TENT2: variants seen among roughly 807,000 people sequenced by gnomAD.
TENT2 encodes poly(A) RNA polymerase GLD2.
Under a neutral mutation model 72.2 loss-of-function variants are expected in TENT2, and 44 were observed. That is an observed-to-expected ratio of 0.61 (90% CI 0.48 to 0.78). The LOEUF (loss-of-function observed/expected upper bound fraction) is 0.78, where lower values mean the gene tolerates loss of function less well. Among genes scored for constraint, TENT2 ranks in the 30% least tolerant of loss-of-function variants. The probability of loss-of-function intolerance (pLI) is 0.00; values close to 1 mark genes in which losing one functional copy is unlikely to be tolerated. For synonymous variants in TENT2, 212 were observed against 192.5 expected, an observed-to-expected ratio of 1.10 and a Z score of -0.84; for missense variants, 541 against 569.6, an observed-to-expected ratio of 0.95 and a Z score of 0.51.
intron 4 of TENT2, among the ~76,000 whole-genome samples, chr5:79,639,408 A>G (rs1182254695): frequency 2.0e-5 from 3 of 152,002 alleles, no homozygotes; most frequent in African/African-American, 7.3e-5. Context: ...AAATACTCCA[A>G]TTTTATGATT....
chr5:79,672,402 A>G (rs561855177), intron 12 of TENT2, among the ~76,000 whole-genome samples: 1 of 152,300 alleles, frequency 6.6e-6, no homozygotes, highest in African/African-American at 2.4e-5. Context: ...TCAAATATAT[A>G]TCTTATTCGT....
At chr5:79,672,385 T>A (rs964344350) in intron 12 of TENT2, among the ~76,000 whole-genome samples, 4 of 152,232 alleles carry the variant, frequency 2.6e-5, no homozygotes, top group Non-Finnish European at 4.4e-5. Flanking sequence ...GTCACCCAGT[T>A]GTGTTATCAA....
At chr5:79,672,470 TC>T (rs1813682372) in intron 12 of TENT2, among the ~76,000 whole-genome samples, 1 of 152,232 alleles carries the variant, frequency 6.6e-6, no homozygotes, top group Admixed American at 6.5e-5. Flanking sequence ...CCACTGCCCT[TC>T]CCAGCCTCTG....
chr5:79,625,702 CT>C (rs1370278475), intron 4 of TENT2, among the ~76,000 whole-genome samples: 1 of 151,952 alleles, frequency 6.6e-6, no homozygotes, highest in Non-Finnish European at 1.5e-5. Flanking sequence ...ATTGAAAAAA[CT>C]GTTCTTTTCT....
chr5:79,657,786 A>C (rs1220309558), intron 11 of TENT2, among the ~76,000 whole-genome samples: 3 of 152,130 alleles, frequency 2.0e-5, no homozygotes, highest in Non-Finnish European at 4.4e-5. Flanking sequence ...AGAATGTTTG[A>C]CTACTCTTCT....
Position 79,649,175 on chromosome 5 carries a change from T to G in TENT2, c.1012T>G (p.Leu338Val), listed in dbSNP as rs770022130. 1.9e-6 allele frequency: 3 copies of G among 1,613,008 alleles called. No homozygotes were observed. In the South Asian group the frequency reaches 3.3e-5, roughly 18 times the overall value. ...LSSYSLVLMV[L>V]HYLQTLPEPI... is the part of the protein sequence containing the mutation. Reference sequence around the variant, plus strand: ...CAGCTATAGTCTTGTATTGATGGTTTTGCACTATTTACAAAGTAAGTATAA... The same window carrying G: ...CAGCTATAGTCTTGTATTGATGGTTGTGCACTATTTACAAAGTAAGTATAA... Residue 338 changes from leucine to valine, a missense_variant, in exon 10 of 15, where the codon TTG (leucine) becomes GTG (valine). By Grantham distance (32) the Leu-to-Val change is conservative. Coordinates refer to ENST00000453514, the MANE Select transcript of TENT2 (RefSeq NM_001114394.3).
intron 4 of TENT2, among the ~76,000 whole-genome samples, chr5:79,629,700 G>A (rs1773563315): frequency 6.6e-6 from 1 of 151,984 alleles, no homozygotes; most frequent in Non-Finnish European, 1.5e-5. Flanking sequence ...GGTGGCGGGT[G>A]CCTGTAGTCC....
chr5:79,631,975 G>T (rs56849211), intron 4 of TENT2, among the ~76,000 whole-genome samples: 30,843 of 152,040 alleles, frequency 0.2, 4,615 homozygotes, highest in African/African-American at 0.42. Flanking sequence ...GCATCTTCCC[G>T]TTTTCTCTCT....
intron 11 of TENT2, among the ~76,000 whole-genome samples, chr5:79,666,792 C>T (rs1808460802): frequency 6.6e-6 from 1 of 152,124 alleles, no homozygotes. Flanking sequence ...TCAGAAAGTG[C>T]TTAATTGTCC....
Position 79,686,920 on chromosome 5 carries a change from G to C in TENT2, c.*1647G>C, listed in dbSNP as rs1826225058. Reference sequence around the variant, plus strand: ...TCTCTTAATCAGAATGTACTGAGTAGAGTTAATATTCTAGTGATGACTGGG... The same window carrying C: ...TCTCTTAATCAGAATGTACTGAGTACAGTTAATATTCTAGTGATGACTGGG... On this transcript the variant is annotated 3_prime_UTR_variant, in exon 15 of 15. Transcript: ENST00000453514. Among the ~76,000 whole-genome samples the C allele has an allele frequency of 2.0e-5, 3 of 152,124 alleles. No individual in the cohort carries two copies. The highest frequency in any genetic ancestry group is 2.0e-4 in the Admixed American group (3 of 15,276).
chr5:79,660,129 A>G (rs1405528101), intron 11 of TENT2, among the ~76,000 whole-genome samples: 1 of 152,134 alleles, frequency 6.6e-6, no homozygotes, highest in Non-Finnish European at 1.5e-5. Context: ...AATTTATAAC[A>G]TTTTAAATAT....
intron 4 of TENT2, among the ~76,000 whole-genome samples, chr5:79,636,359 C>T (rs193172898): frequency 6.6e-6 from 1 of 152,130 alleles, no homozygotes; most frequent in African/African-American, 2.4e-5. Flanking sequence ...ACCTCCCTCC[C>T]TCATTAGTTT....
At chr5:79,628,390 G>T (rs1055497152) in intron 4 of TENT2, among the ~76,000 whole-genome samples, 5 of 152,320 alleles carry the variant, frequency 3.3e-5, no homozygotes, top group African/African-American at 1.2e-4. Flanking sequence ...AGTGAGTTTG[G>T]TTTAGAATGA....
chr5:79,630,441 C>T (rs1468544672), intron 4 of TENT2, among the ~76,000 whole-genome samples: 1 of 151,782 alleles, frequency 6.6e-6, no homozygotes, highest in Non-Finnish European at 1.5e-5. Context: ...AAATTAGCTT[C>T]GTGGCAGGTG....
chr5:79,630,444 G>A (rs1251998840), intron 4 of TENT2, among the ~76,000 whole-genome samples: 2 of 152,088 alleles, frequency 1.3e-5, no homozygotes, highest in African/African-American at 4.8e-5. Context: ...TTAGCTTCGT[G>A]GCAGGTGCCT....
chr5:79,642,791 T>C, intron 6 of TENT2, 41 bp from the exon 7 acceptor site: 1 of 1,484,392 alleles, frequency 6.7e-7, no homozygotes, highest in Non-Finnish European at 9.3e-7. Context: ...ACATTAAACT[T>C]AGAAAGATAA....
At chr5:79,679,924 T>C (rs1332455521) in intron 13 of TENT2, among the ~76,000 whole-genome samples, 1 of 152,216 alleles carries the variant, frequency 6.6e-6, no homozygotes, top group African/African-American at 2.4e-5. Context: ...TTGTGGTTGA[T>C]GGATAATTTC....
chr5:79,655,699 A>G (rs770370905), intron 10 of TENT2, among the ~76,000 whole-genome samples: 46 of 151,530 alleles, frequency 3.0e-4, no homozygotes, highest in Non-Finnish European at 5.6e-4. Flanking sequence ...GGAAAGGAAT[A>G]TATATATCCT....
chr5:79,625,480 G>A (rs1580225962), intron 4 of TENT2, among the ~76,000 whole-genome samples: 1 of 152,034 alleles, frequency 6.6e-6, no homozygotes, highest in South Asian at 2.1e-4. Context: ...ATTGTTAAAG[G>A]TCACAGAGAT....
Sources: gnomAD v4.1 joint callset for allele counts (sites outside exome capture counted in the v4.1 genomes callset) on GRCh38, gnomAD v4.1.1 for gene constraint, MANE v1.5 for transcripts, NCBI Gene and HGNC (gene_info 2026-07-23, HGNC 2026-07-21) for gene names.